PRUNE1: variants seen among roughly 807,000 people sequenced by gnomAD.
PRUNE1 encodes prune exopolyphosphatase 1.
PRUNE1 carries 25 observed loss-of-function variants against 42.5 expected under a neutral mutation model. The ratio of observed to expected loss-of-function variants is 0.59; its 90% CI spans 0.43 to 0.82. PRUNE1 has a LOEUF of 0.82. PRUNE1 is among the 40% of genes least tolerant of loss of function. PRUNE1 has a pLI of 0.00. For synonymous variants in PRUNE1, 203 were observed against 217.1 expected (o/e 0.93, Z 0.57); for missense variants, 443 against 539.3 (o/e 0.82, Z 1.77).
At chr1:151,013,127 G>A (rs1673880697) in intron 1 of PRUNE1, among the ~76,000 whole-genome samples, 1 of 152,176 alleles carries the variant, frequency 6.6e-6, no homozygotes, top group African/African-American at 2.4e-5. Context: ...CAAGTAAGAA[G>A]CAGAGCTGGA....
intron 1 of PRUNE1, among the ~76,000 whole-genome samples, chr1:151,015,334 A>C (rs1355211597): frequency 6.6e-5 from 9 of 135,496 alleles, no homozygotes; most frequent in Admixed American, 2.3e-4. Flanking sequence ...CTCCATCTGA[A>C]AAAAAAAAAA....
Position 151,024,771 on chromosome 1 carries a change from A to G in PRUNE1, c.496A>G (p.Arg166Gly), listed in dbSNP as rs780222273. ...ILQGAPEILDRQTAALLHGTI... is the reference protein window; with the variant it reads ...ILQGAPEILDGQTAALLHGTI... ...GCAGGGGGCACCAGAGATCTTGGAC[A>G]GGCAAACTGCAGCCCTTCTGCATGG... Residue 166 changes from arginine (R) to glycine (G), a missense_variant, in exon 4 of 8, where the codon AGG becomes GGG. Coordinates refer to ENST00000271620, the MANE Select transcript of PRUNE1 (RefSeq NM_021222.3). 71 of 1,613,474 alleles carry G rather than the reference A, an allele frequency of 4.4e-5. No homozygotes were observed. The highest frequency in any genetic ancestry group is 5.8e-5 in the Non-Finnish European group (68 of 1,179,752).
intron 1 of PRUNE1, among the ~76,000 whole-genome samples, chr1:151,013,436 A>G (rs1469577276): frequency 2.0e-5 from 3 of 152,138 alleles, no homozygotes; most frequent in Admixed American, 6.5e-5. Flanking sequence ...TCCTCTGTAG[A>G]TGGTTTCTCC....
At chr1:151,015,223 C>T (rs1304755900) in intron 1 of PRUNE1, among the ~76,000 whole-genome samples, 1 of 151,094 alleles carries the variant, frequency 6.6e-6, no homozygotes, top group East Asian at 2.0e-4. Flanking sequence ...ACTACAGCTA[C>T]TCGGGAGGCT....
intron 3 of PRUNE1, among the ~76,000 whole-genome samples, chr1:151,021,810 C>T (rs1473093394): frequency 6.6e-6 from 1 of 150,914 alleles, no homozygotes; most frequent in Admixed American, 6.6e-5. Flanking sequence ...CTCCGCCTCC[C>T]GGGATAATTT....
rs1028998467 is a variant in PRUNE1, at chr1:151,016,236, C to CA, written c.40-1565dup. Reference sequence around the variant, plus strand: ...TGGGCAACAAAGTAAGACCCTGTCTCAAAAAAAAAAAGTAAGCAGGTAAGA... The same window carrying CA: ...TGGGCAACAAAGTAAGACCCTGTCTCAAAAAAAAAAAAGTAAGCAGGTAAGA... On this transcript the variant is annotated intron_variant, in intron 1 of 7. Transcript: ENST00000271620. Among the ~76,000 whole-genome samples, 283 of 143,696 alleles carry CA rather than the reference C, an allele frequency of 2.0e-3. 3 individuals are homozygous for CA. The highest frequency in any genetic ancestry group is 3.6e-3 in the Middle Eastern group (1 of 274). 94.3% of individuals were successfully genotyped at this position (143,696 alleles called of 152,430 possible). A position where few individuals can be genotyped will look rare whatever the true frequency, so the allele number is the denominator to read the frequency against.
Position 151,024,660 on chromosome 1 carries a change from C to CA in PRUNE1, c.385_386insA (p.Pro129HisfsTer15), listed in dbSNP as rs1674707630. On this transcript the variant is annotated frameshift_variant, in exon 4 of 8. Transcript: ENST00000271620. LOFTEE classifies it high-confidence loss of function. ...AGTAGCAGAGGTGCTAGACCATCGACCCATCGAGCCGAAACACTGCCCTCC... is the reference window on the plus strand; with the variant it reads ...AGTAGCAGAGGTGCTAGACCATCGACACCATCGAGCCGAAACACTGCCCTCC... 1 of 1,613,518 alleles carries CA rather than the reference C, an allele frequency of 6.2e-7. No homozygotes were observed. Among genetic ancestry groups the CA allele is most frequent in the Non-Finnish European group, 8.5e-7 (1 of 1,179,572 alleles).
chr1:151,025,297 G>T (rs587761088), intron 4 of PRUNE1, among the ~76,000 whole-genome samples: 1 of 152,284 alleles, frequency 6.6e-6, no homozygotes, highest in African/African-American at 2.4e-5. Context: ...AGATGCTCAG[G>T]CTTTCTTTCT....
chr1:151,014,003 A>C (rs142858621), intron 1 of PRUNE1, among the ~76,000 whole-genome samples: 2,060 of 150,440 alleles, frequency 0.014, 52 homozygotes, highest in African/African-American at 0.048. Context: ...TTTTTGAGAC[A>C]GAGTCTCGCT....
chr1:151,034,586 T>C lies in PRUNE1; in HGVS notation c.*352T>C. 4.1e-6 allele frequency: 1 copy of C among 244,010 alleles called. No homozygotes were observed. The highest frequency in any genetic ancestry group is 8.1e-6 in the Non-Finnish European group (1 of 123,542). 15.1% of individuals were successfully genotyped at this position (244,010 alleles called of 1,614,324 possible). ...CGGCATGGATCTTGAACAGAACCAG[T>C]ATCTGTCATGGAACTGAACATTCAT... On this transcript the variant is annotated 3_prime_UTR_variant, in exon 8 of 8. Coordinates refer to ENST00000271620, the MANE Select transcript of PRUNE1 (RefSeq NM_021222.3).
rs751818058 is a variant in PRUNE1, at chr1:151,033,967, C to A, written c.1095C>A (p.Ser365=). 11 of 1,614,044 alleles carry A rather than the reference C, an allele frequency of 6.8e-6. No individual in the cohort carries two copies. The highest frequency in any genetic ancestry group is 1.1e-5 in the South Asian group (1 of 91,092). ...AAGCCCTGTCAGCATATTTTGACTC[C>A]ATGAAGATCCCTTCAGGACAGCCTG... ...LQEALSAYFD[S]MKIPSGQPET... is the part of the protein sequence containing the mutation. Residue 365 remains serine (S), a synonymous_variant, in exon 8 of 8, where the codon TCC becomes TCA. Coordinates refer to ENST00000271620, the MANE Select transcript of PRUNE1 (RefSeq NM_021222.3).
chr1:151,014,155 A>G (rs1673953436), intron 1 of PRUNE1, among the ~76,000 whole-genome samples: 1 of 151,980 alleles, frequency 6.6e-6, no homozygotes, highest in Non-Finnish European at 1.5e-5. Context: ...AATTTTTTGT[A>G]TTTTTAGTAG....
At chr1:151,030,568 G>A (rs1480807202) in intron 7 of PRUNE1, among the ~76,000 whole-genome samples, 1 of 151,972 alleles carries the variant, frequency 6.6e-6, no homozygotes, top group Non-Finnish European at 1.5e-5. Flanking sequence ...TTGGCTCACT[G>A]CAACCGCCAC....
At chr1:151,018,377 T>C (rs756130241) in intron 2 of PRUNE1, 90 bp from the exon 3 acceptor site, 1 of 1,126,628 alleles carries the variant, frequency 8.9e-7, no homozygotes, top group Non-Finnish European at 1.3e-6. Flanking sequence ...GTAACTTACC[T>C]AAGTATGTCT....
rs746987056 is a variant in PRUNE1 at position 151,008,594 on chromosome 1, C to G, written c.-39C>G. On this transcript the variant is annotated 5_prime_UTR_variant, in exon 1 of 8. Coordinates refer to ENST00000271620, the MANE Select transcript of PRUNE1 (RefSeq NM_021222.3). ...AACCTCTCCTCGACCAGGGGCACCT[C>G]TACTCGACCAGGGGCGACGGCGTAC... 5 of 1,613,290 alleles carry G rather than the reference C, an allele frequency of 3.1e-6. No homozygotes were observed. Among genetic ancestry groups the G allele is most frequent in the Non-Finnish European group, 4.2e-6 (5 of 1,179,332 alleles).
At chr1:151,018,016 C>A (rs1674208378) in intron 2 of PRUNE1, 112 bp downstream of exon 2, 1 of 722,150 alleles carries the variant, frequency 1.4e-6, no homozygotes, top group East Asian at 2.6e-5. Context: ...AATTAAATCC[C>A]TTAACTTTGC....
At position 151,034,124 on chromosome 1, in the gene PRUNE1, G is replaced by A; in HGVS notation, c.1252G>A (p.Glu418Lys). The change falls in exon 8 of 8, where the codon GAG (glutamate) becomes AAG (lysine). Residue 418 changes from glutamate (E) to lysine (K), a missense_variant. Transcript: ENST00000271620. ...GACGCCCATGAACAGCTTGGTGGATGAGTGCCCTCTAGATCAGGGGCTGCC... is the reference window on the plus strand; with the variant it reads ...GACGCCCATGAACAGCTTGGTGGATAAGTGCCCTCTAGATCAGGGGCTGCC... ...PPTPMNSLVD[E>K]CPLDQGLPKL... 1 of 1,614,218 alleles carries A rather than the reference G, an allele frequency of 6.2e-7. No homozygotes were observed. The highest frequency in any genetic ancestry group is 8.5e-7 in the Non-Finnish European group (1 of 1,180,052).
chr1:151,033,772 G>C (rs1237462827), intron 7 of PRUNE1, 34 bp from the exon 8 acceptor site: 1 of 1,574,030 alleles, frequency 6.4e-7, no homozygotes, highest in Non-Finnish European at 8.7e-7. Context: ...ACAGCAAGTT[G>C]TGTATCATTT....
In PRUNE1 at chr1:151,028,885, C is replaced by CA; in HGVS notation, c.875dup (p.His292GlnfsTer3). On this transcript the variant is annotated frameshift_variant, in exon 7 of 8. Transcript: ENST00000271620. LOFTEE classifies it high-confidence loss of function. ...TGCCATGACTATCTTTTTCAACACT[C>CA]ACAATGAGCCAGTGCGGCAGTTGGC... 6.2e-7 allele frequency: 1 copy of CA among 1,613,854 alleles called. No homozygotes were observed.
Sources: gnomAD v4.1 joint callset for allele counts (sites outside exome capture counted in the v4.1 genomes callset) on GRCh38, gnomAD v4.1.1 for gene constraint, MANE v1.5 for transcripts, NCBI Gene and HGNC (gene_info 2026-07-23, HGNC 2026-07-21) for gene names.